Variants in ST3GAL2 observed in about 807,000 individuals in gnomAD.
ST3GAL2 encodes ST3 beta-galactoside alpha-2,3-sialyltransferase 2, also known as CMP-N-acetylneuraminate-beta-galactosamide-alpha-2,3-sialyltransferase 2.
A neutral mutation model predicts 37.5 loss-of-function variants in ST3GAL2; 16 were observed. The observed-to-expected ratio is 0.43, with a 90% CI of 0.29 to 0.65. The LOEUF is 0.65. Among genes scored for constraint, ST3GAL2 ranks in the 30% least tolerant of loss-of-function variants. The pLI is 0.17. For synonymous variants in ST3GAL2, 238 were observed against 202.9 expected (o/e 1.17, Z -1.47); for missense variants, 383 against 487.8 (o/e 0.79, Z 2.02).
chr16:70,432,557 G>C (rs1273726301), intron 1 of ST3GAL2, among the ~76,000 whole-genome samples: 3 of 152,190 alleles, frequency 2.0e-5, no homozygotes, highest in Admixed American at 6.5e-5. Context: ...GCAACAAGAA[G>C]TACGCTAAAA....
intron 1 of ST3GAL2, among the ~76,000 whole-genome samples, chr16:70,429,059 G>A (rs1411025274): frequency 1.3e-5 from 2 of 152,258 alleles, no homozygotes; most frequent in Non-Finnish European, 2.9e-5. Flanking sequence ...AAGTGGGGGT[G>A]AGGAACTACT....
intron 4 of ST3GAL2, among the ~76,000 whole-genome samples, chr16:70,386,930 C>T (rs995185741): frequency 1.3e-5 from 2 of 152,106 alleles, no homozygotes; most frequent in African/African-American, 2.4e-5. Flanking sequence ...ATGCGTGAGC[C>T]GCAGTGCCCG....
At position 70,379,985 on chromosome 16, in the gene ST3GAL2, G is replaced by A. The variant is rs1414160846; in HGVS notation, c.*1704C>T. ...AGAAAAAAAAGAAATAAATTATTCT[G>A]CTCAATACTGTTTGGCATAATTGCA... On this transcript the variant is annotated 3_prime_UTR_variant, in exon 7 of 7. Transcript: ENST00000342907. 1 of 152,096 alleles carries A rather than the reference G, an allele frequency of 6.6e-6. No homozygotes were observed. The highest frequency in any genetic ancestry group is 2.4e-5 in the African/African-American group (1 of 41,396). The allele number at this position is 152,096 out of a possible 1,614,324, so 9.4% of individuals were successfully genotyped here.
At chr16:70,396,944 G>A (rs1597561489) in intron 2 of ST3GAL2, among the ~76,000 whole-genome samples, 1 of 151,688 alleles carries the variant, frequency 6.6e-6, no homozygotes, top group Non-Finnish European at 1.5e-5. Flanking sequence ...TAGCCCCTGA[G>A]GGTTCTTTTC....
chr16:70,431,025 G>A (rs550694073), intron 1 of ST3GAL2, among the ~76,000 whole-genome samples: 104 of 151,136 alleles, frequency 6.9e-4, no homozygotes, highest in African/African-American at 2.5e-3. Flanking sequence ...GGGCAGGGGA[G>A]ATTCCATATT....
intron 1 of ST3GAL2, among the ~76,000 whole-genome samples, chr16:70,412,322 ATTCT>A (rs1204122239): frequency 7.2e-5 from 11 of 152,128 alleles, no homozygotes; most frequent in African/African-American, 2.7e-4. Flanking sequence ...AATTCTTTGA[ATTCT>A]TTCTTACCTC....
Position 70,381,600 on chromosome 16 carries a change from A to C in ST3GAL2, c.*89T>G, listed in dbSNP as rs1025474665. On this transcript the variant is annotated 3_prime_UTR_variant, in exon 7 of 7. Coordinates refer to ENST00000342907, the MANE Select transcript of ST3GAL2 (RefSeq NM_006927.4). Reference sequence around the variant, plus strand: ...ACAGCAGACGCCCCTGGGCTGCAGCATGATTGGTCGCGGGTTGCTGGTCCT... The same window carrying C: ...ACAGCAGACGCCCCTGGGCTGCAGCCTGATTGGTCGCGGGTTGCTGGTCCT... 6.7e-7 allele frequency: 1 copy of C among 1,497,806 alleles called. No individual in the cohort carries two copies. The highest frequency in any genetic ancestry group is 9.0e-7 in the Non-Finnish European group (1 of 1,114,314). 92.8% of individuals were successfully genotyped at this position (1,497,806 alleles called of 1,614,324 possible).
intron 1 of ST3GAL2, among the ~76,000 whole-genome samples, chr16:70,419,485 C>A (rs1372770545): frequency 1.3e-5 from 2 of 152,200 alleles, no homozygotes; most frequent in Non-Finnish European, 2.9e-5. Context: ...TGTGGAGTCA[C>A]TGCATAGGCA....
At chr16:70,381,900 G>A in intron 6 of ST3GAL2, 38 bp from the exon 7 acceptor site, 2 of 1,607,362 alleles carry the variant, frequency 1.2e-6, no homozygotes, top group African/African-American at 1.3e-5. Context: ...CCCAGGCGGG[G>A]ACCTGGAGGA....
At position 70,439,022 on chromosome 16, in the gene ST3GAL2, TCGCCGC is replaced by T. The variant is rs567688682; in HGVS notation, c.-1083_-1078del. On this transcript the variant is annotated 5_prime_UTR_variant, in exon 1 of 7. Coordinates refer to ENST00000342907, the MANE Select transcript of ST3GAL2 (RefSeq NM_006927.4). ...CCGCCGCCGCCCGCGCAGAAAGCCG[TCGCCGC>T]CGCCGCCGCCGCCGCCGCCGTCGTC... The T allele has an allele frequency of 2.4e-4, 37 of 157,418 alleles. No homozygotes were observed. Among genetic ancestry groups the T allele is most frequent in the Middle Eastern group, 3.0e-3 (1 of 334 alleles). The allele number at this position is 157,418 out of a possible 1,614,324, so 9.8% of individuals were successfully genotyped here.
intron 1 of ST3GAL2, among the ~76,000 whole-genome samples, chr16:70,437,995 TCCAACACCA>T (rs1567680396): frequency 6.6e-6 from 1 of 152,114 alleles, no homozygotes; most frequent in African/African-American, 2.4e-5. Flanking sequence ...AGCCCCTTTC[TCCAACACCA>T]CCTTTGACTC....
chr16:70,414,435 A>T (rs1020570520), intron 1 of ST3GAL2, among the ~76,000 whole-genome samples: 1 of 152,208 alleles, frequency 6.6e-6, no homozygotes, highest in Non-Finnish European at 1.5e-5. Flanking sequence ...ACGGGCCTTC[A>T]GTCTCTTCCA....
chr16:70,382,681 G>A, intron 6 of ST3GAL2, 124 bp downstream of exon 6: 5 of 1,452,796 alleles, frequency 3.4e-6, no homozygotes, highest in Non-Finnish European at 3.7e-6. Context: ...AGAGATGGGG[G>A]AAACCAAGGC....
intron 1 of ST3GAL2, among the ~76,000 whole-genome samples, chr16:70,408,144 C>T (rs534314847): frequency 1.3e-4 from 20 of 152,196 alleles, no homozygotes; most frequent in South Asian, 4.1e-4. Context: ...ATTTAGTATG[C>T]GCAGGAGTCC....
intron 1 of ST3GAL2, among the ~76,000 whole-genome samples, chr16:70,406,696 G>T (rs1197557304): frequency 6.6e-6 from 1 of 151,988 alleles, no homozygotes; most frequent in East Asian, 1.9e-4. Context: ...CAGGAGACTC[G>T]CTTGAACCTG....
rs1303586789 is a variant in ST3GAL2, at chr16:70,398,889, G to C, written c.-359C>G. On this transcript the variant is annotated 5_prime_UTR_variant, in exon 2 of 7. Coordinates refer to ENST00000342907, the MANE Select transcript of ST3GAL2 (RefSeq NM_006927.4). ...TGGGATTGCTGGCTGCCAGCTCTAGGGGTCCCCCTCTTTGGCGGCTTGAAA... is the reference window on the plus strand; with the variant it reads ...TGGGATTGCTGGCTGCCAGCTCTAGCGGTCCCCCTCTTTGGCGGCTTGAAA... 1 of 471,518 alleles carries C rather than the reference G, an allele frequency of 2.1e-6. No homozygotes were observed. The highest frequency in any genetic ancestry group is 3.7e-6 in the Non-Finnish European group (1 of 269,234). 29.2% of individuals were successfully genotyped at this position (471,518 alleles called of 1,614,324 possible).
intron 4 of ST3GAL2, among the ~76,000 whole-genome samples, chr16:70,386,218 C>T (rs1261296223): frequency 3.4e-5 from 5 of 148,198 alleles, no homozygotes; most frequent in African/African-American, 1.2e-4. Context: ...GACGGAGTCT[C>T]GCTCTGTCAC....
chr16:70,383,165 G>A (rs1389159391), intron 5 of ST3GAL2, 25 bp downstream of exon 5: 1 of 1,612,488 alleles, frequency 6.2e-7, no homozygotes, highest in East Asian at 2.2e-5. Flanking sequence ...TTTCCACTGA[G>A]GTGGGGAAGA....
chr16:70,414,866 T>G (rs930192134), intron 1 of ST3GAL2, among the ~76,000 whole-genome samples: 1 of 151,030 alleles, frequency 6.6e-6, no homozygotes, highest in Non-Finnish European at 1.5e-5. Context: ...TATTTATTTA[T>G]TTATTTATTA....
Sources: allele counts gnomAD v4.1 joint callset (sites outside exome capture counted in the v4.1 genomes callset), GRCh38; gene constraint gnomAD v4.1.1; transcripts MANE v1.5; gene names NCBI Gene and HGNC (gene_info 2026-07-23, HGNC 2026-07-21).